The following SNRNP35 variants were observed in gnomAD, a reference collection of about 807,000 sequenced individuals.
SNRNP35 encodes the protein U11/U12 small nuclear ribonucleoprotein 35 kDa protein.
A neutral mutation model predicts 24.3 loss-of-function variants in SNRNP35; 16 were observed. The observed-to-expected ratio is 0.66, with a 90% CI of 0.45 to 1.00. The LOEUF is 1.00. Among genes scored for constraint, SNRNP35 ranks in the 50% least tolerant of loss-of-function variants. The pLI, the probability that SNRNP35 is intolerant of heterozygous loss-of-function variation, is 0.00. For synonymous variants in SNRNP35, 106 were observed against 124.8 expected (o/e 0.85, Z 1.00); for missense variants, 292 against 327.2 (o/e 0.89, Z 0.83).
chr12:123,468,996 G>A (rs1881074440), downstream of SNRNP35, among the ~76,000 whole-genome samples: 1 of 152,122 alleles, frequency 6.6e-6, no homozygotes, highest in Non-Finnish European at 1.5e-5. Flanking sequence ...CCCCCATATG[G>A]TAGACCAGGG....
At chr12:123,469,718 G>A (rs538232155), downstream of SNRNP35, among the ~76,000 whole-genome samples, 3 of 152,074 alleles carry the variant, frequency 2.0e-5, no homozygotes, top group African/African-American at 7.2e-5. Context: ...ACCTAGGTTT[G>A]TCTTAAACTC....
At chr12:123,459,605 T>G in intron 1 of SNRNP35, 1 of 385,870 alleles carries the variant, frequency 2.6e-6, no homozygotes. Flanking sequence ...TTGGCCAACA[T>G]GGTGAAATCC....
At chr12:123,461,924 G>A (rs1191174045) in intron 1 of SNRNP35, among the ~76,000 whole-genome samples, 1 of 152,004 alleles carries the variant, frequency 6.6e-6, no homozygotes, top group Non-Finnish European at 1.5e-5. Flanking sequence ...GTTTCGCTAT[G>A]TTGCTGAGGC....
chr12:123,468,609 G>C (rs961291363), downstream of SNRNP35, among the ~76,000 whole-genome samples: 2 of 152,054 alleles, frequency 1.3e-5, no homozygotes, highest in South Asian at 4.1e-4. Flanking sequence ...AGAATTGCTC[G>C]AGCCCGGGAA....
Position 123,472,864 on chromosome 12 carries a change from G to A in SNRNP35, n.1871G>A, listed in dbSNP as rs115998695. The A allele has an allele frequency of 4.3e-3, 2,680 of 621,912 alleles. 66 individuals are homozygous for A. The highest frequency in any genetic ancestry group is 0.042 in the African/African-American group (2,283 of 54,376). 38.5% of individuals were successfully genotyped at this position (621,912 alleles called of 1,614,324 possible). Reference sequence around the variant, plus strand: ...CCAAGAAAGCAGCAGGGTATTCTGCGTGTCATTTGGACACGGTACCTTGGA... The same window carrying A: ...CCAAGAAAGCAGCAGGGTATTCTGCATGTCATTTGGACACGGTACCTTGGA... On this transcript the variant is annotated non_coding_transcript_exon_variant, in exon 2 of 2. Transcript: ENST00000527158.
intron 1 of SNRNP35, chr12:123,459,042 C>A (rs1209340492): frequency 6.6e-6 from 1 of 152,102 alleles, no homozygotes. Flanking sequence ...GTCAAGCAGT[C>A]CTCCCGCCTC....
rs6606747 is a variant in SNRNP35 at position 123,465,041 on chromosome 12, C to T, written c.-3-497C>T. On this transcript the variant is annotated intron_variant, in intron 1 of 1. Transcript: ENST00000526639. The surrounding 1 kb of genome is among the most constrained non-coding windows in gnomAD (Gnocchi z 4.2). The stretch of plus-strand genomic sequence containing the variant: ...ATGTGCATGGTGGTTCTAGTTGAGC[C>T]GGGTGAGAAGTTTGTGGAGGGTTAT... The T allele has an allele frequency of 0.52, 78,959 of 152,254 alleles. 23,033 individuals carry two copies. Among genetic ancestry groups the T allele is most frequent in the East Asian group, 0.99 (5,102 of 5,178 alleles). 9.4% of individuals were successfully genotyped at this position (152,254 alleles called of 1,614,324 possible).
exon 2 of SNRNP35, chr12:123,472,833 G>A: frequency 2.7e-6 from 2 of 752,552 alleles, no homozygotes; most frequent in Non-Finnish European, 4.3e-6. Flanking sequence ...GCAGGTCAAA[G>A]TTATTCCAAG....
intron 1 of SNRNP35, chr12:123,459,907 A>AAT (rs1880509406): frequency 1.9e-6 from 3 of 1,546,194 alleles, no homozygotes; most frequent in Non-Finnish European, 2.7e-6. Context: ...AGCTGTTAGT[A>AAT]TCTATAGAAG....
At chr12:123,462,136 C>A (rs756502683) in intron 1 of SNRNP35, among the ~76,000 whole-genome samples, 1 of 152,124 alleles carries the variant, frequency 6.6e-6, no homozygotes, top group Admixed American at 6.6e-5. Flanking sequence ...AAAACATGAT[C>A]AGGACTTTAG....
chr12:123,466,377 CTT>C lies in SNRNP35; in HGVS notation c.*97_*98del. The C allele has an allele frequency of 7.9e-7, 1 of 1,260,980 alleles. No individual in the cohort carries two copies. The highest frequency in any genetic ancestry group is 1.1e-6 in the Non-Finnish European group (1 of 927,578). 78.1% of individuals were successfully genotyped at this position (1,260,980 alleles called of 1,614,324 possible). On this transcript the variant is annotated 3_prime_UTR_variant, in exon 2 of 2. Coordinates refer to ENST00000526639, the MANE Select transcript of SNRNP35 (RefSeq NM_022717.4). Reference sequence around the variant, plus strand: ...GCGTGAGTCTAATGGTTGAATAAAACTTACTGATGATCATGGGGTTTGGAATA... The same window carrying C: ...GCGTGAGTCTAATGGTTGAATAAAACACTGATGATCATGGGGTTTGGAATA...
chr12:123,465,306 TGA>T lies in SNRNP35; in HGVS notation c.-3-228_-3-227del, dbSNP rs1360421703. Among the ~76,000 whole-genome samples the T allele has an allele frequency of 6.6e-6, 1 of 152,218 alleles. No homozygotes were observed. Among genetic ancestry groups the T allele is most frequent in the Non-Finnish European group, 1.5e-5 (1 of 68,044 alleles). On this transcript the variant is annotated intron_variant, in intron 1 of 1. Transcript: ENST00000526639. The surrounding 1 kb of genome is among the most constrained non-coding windows in gnomAD (Gnocchi z 4.2). ...CCCGAGCACGCTGCCCTCTGCTTCC[TGA>T]GAGGGCATTTGTAGGAGTGGGTAAG... is the stretch of plus-strand genomic sequence containing the variant.
At chr12:123,458,597 T>TC (rs1366390218) in intron 1 of SNRNP35, among the ~76,000 whole-genome samples, 1 of 150,738 alleles carries the variant, frequency 6.6e-6, no homozygotes, top group Non-Finnish European at 1.5e-5. Context: ...AAAGTCTTTT[T>TC]TTTTTTTTTT....
At chr12:123,459,433 T>G (rs993438204) in intron 1 of SNRNP35, 7 of 150,350 alleles carry the variant, frequency 4.7e-5, no homozygotes, top group Non-Finnish European at 7.4e-5. Context: ...ATTACAGGCA[T>G]GAGCCACCGC....
In SNRNP35 at chr12:123,465,183, A is replaced by T. The variant is rs934009936; in HGVS notation, c.-3-355A>T. On this transcript the variant is annotated intron_variant, in intron 1 of 1. Transcript: ENST00000526639. This position sits in a 1 kb window ranked among gnomAD's most constrained non-coding sequence, Gnocchi z 4.2. ...ATGATCATTTTAAAGGTTCTGAAAG[A>T]GAAGTCTGGTTTTGATCCACGTTGC... 6.6e-6 allele frequency among the ~76,000 whole-genome samples: 1 copy of T among 152,236 alleles called. No homozygotes were observed. Among genetic ancestry groups the T allele is most frequent in the African/African-American group, 2.4e-5 (1 of 41,450 alleles).
downstream of SNRNP35, chr12:123,471,378 A>T (rs1008977961): frequency 6.6e-6 from 1 of 152,016 alleles, no homozygotes; most frequent in African/African-American, 2.4e-5. Flanking sequence ...AGCCTCACCT[A>T]ATGGTTTCTT....
exon 2 of SNRNP35, chr12:123,472,502 G>A (rs368948563): frequency 3.9e-6 from 6 of 1,548,878 alleles, no homozygotes; most frequent in Middle Eastern, 2.2e-4. Context: ...CGCTGGTGGC[G>A]GGCAGTCCAG....
downstream of SNRNP35, among the ~76,000 whole-genome samples, chr12:123,469,484 A>G (rs1019041476): frequency 6.7e-6 from 1 of 148,998 alleles, no homozygotes; most frequent in Non-Finnish European, 1.5e-5. Flanking sequence ...ACTCATATGG[A>G]GTTATTGCTA....
downstream of SNRNP35, among the ~76,000 whole-genome samples, chr12:123,468,885 C>T (rs1399468012): frequency 6.6e-6 from 1 of 152,112 alleles, no homozygotes; most frequent in East Asian, 1.9e-4. Flanking sequence ...ATTCTGTAGA[C>T]TTTTGTGTGT....
Sources: gnomAD v4.1 joint callset for allele counts (sites outside exome capture counted in the v4.1 genomes callset) on GRCh38, gnomAD v4.1.1 for gene constraint, Gnocchi (gnomAD v3.1) non-coding constraint, MANE v1.5 for transcripts, NCBI Gene and HGNC (gene_info 2026-07-23, HGNC 2026-07-21) for gene names.